The following MARCHF10 variants were observed in gnomAD, a reference collection of about 807,000 sequenced individuals.
MARCHF10 encodes membrane associated ring-CH-type finger 10, also known as probable E3 ubiquitin-protein ligase MARCHF10.
A neutral mutation model predicts 76.2 loss-of-function variants in MARCHF10; 64 were observed. The observed-to-expected ratio is 0.84, with a 90% confidence interval of 0.69 to 1.03. The LOEUF (loss-of-function observed/expected upper bound fraction) is 1.03, where lower values mean the gene tolerates loss of function less well. Among genes scored for constraint, MARCHF10 ranks in the 50% least tolerant of loss-of-function variants. The pLI, the probability that MARCHF10 is intolerant of heterozygous loss-of-function variation, is 0.00. For missense variants in MARCHF10, 875 were observed against 958.0 expected, an observed-to-expected ratio of 0.91 and a Z score of 1.14; for synonymous variants, 340 against 357.5, an observed-to-expected ratio of 0.95 and a Z score of 0.55.
At chr17:62,767,895 C>A (rs996203398) in intron 3 of MARCHF10, among the ~76,000 whole-genome samples, 2 of 152,158 alleles carry the variant, frequency 1.3e-5, no homozygotes, top group Non-Finnish European at 2.9e-5. Flanking sequence ...GCACCTACTG[C>A]CCCACTGCAA....
intron 4 of MARCHF10, among the ~76,000 whole-genome samples, chr17:62,751,818 C>T (rs1289597079): frequency 2.0e-5 from 3 of 152,050 alleles, no homozygotes; most frequent in East Asian, 1.9e-4. Flanking sequence ...GTCAGGAGTT[C>T]GATACCAGCC....
chr17:62,731,882 A>ATT (rs1228167834), intron 6 of MARCHF10, among the ~76,000 whole-genome samples: 3 of 152,224 alleles, frequency 2.0e-5, no homozygotes, highest in African/African-American at 7.2e-5. Context: ...AAGGATTAAA[A>ATT]AGCATAGAGT....
At chr17:62,701,933 G>A (rs1468379205) in intron 10 of MARCHF10, among the ~76,000 whole-genome samples, 175 bp from the exon 11 acceptor site, 1 of 152,152 alleles carries the variant, frequency 6.6e-6, no homozygotes, top group African/African-American at 2.4e-5. Context: ...CTGGGGCCGG[G>A]GAATCCACAG....
intron 3 of MARCHF10, among the ~76,000 whole-genome samples, chr17:62,775,472 T>C (rs1328165000): frequency 2.0e-5 from 3 of 150,358 alleles, no homozygotes; most frequent in Non-Finnish European, 4.4e-5. Context: ...CAGACATTTG[T>C]ATAATGCCTT....
At chr17:62,704,946 G>GTGTTT in intron 10 of MARCHF10, 132 of 837,016 alleles carry the variant, frequency 1.6e-4, no homozygotes, top group African/African-American at 1.7e-4. Context: ...TTCTCCAGTC[G>GTGTTT]TTTTTTTTTT....
In MARCHF10 at chr17:62,736,446, T is replaced by A. The variant is rs1172466823; in HGVS notation, c.1422A>T (p.Ala474=). The A allele has an allele frequency of 2.5e-6, 4 of 1,614,218 alleles. No individual in the cohort carries two copies. In the East Asian group the frequency reaches 6.7e-5, roughly 27 times the overall value. ...CTCTCAGAGCAGAATGCATGAATGATGCAGGAGGGTTATAGGATGAATTCA... is the reference window on the plus strand; with the variant it reads ...CTCTCAGAGCAGAATGCATGAATGAAGCAGGAGGGTTATAGGATGAATTCA... ...SSVNSSYNPP[A]SFMHSALRDD... Residue 474 remains alanine (A), a synonymous_variant, in exon 6 of 11, where the codon GCA becomes GCT. Coordinates refer to ENST00000311269, the MANE Select transcript of MARCHF10 (RefSeq NM_152598.4).
chr17:62,741,468 C>CCAG (rs1181858411), intron 5 of MARCHF10, among the ~76,000 whole-genome samples: 1 of 152,168 alleles, frequency 6.6e-6, no homozygotes, highest in Non-Finnish European at 1.5e-5. Flanking sequence ...ATAACTGTCA[C>CCAG]CAGCAATCCA....
intron 2 of MARCHF10, among the ~76,000 whole-genome samples, chr17:62,796,896 G>A (rs2092994703): frequency 6.6e-6 from 1 of 152,154 alleles, no homozygotes; most frequent in African/African-American, 2.4e-5. Context: ...AGGAGGCTGA[G>A]GTGGGAGGAT....
rs958146876 is a variant in MARCHF10 at position 62,775,508 on chromosome 17, G to A, written c.210+12972C>T. On this transcript the variant is annotated intron_variant, in intron 3 of 10. Coordinates refer to ENST00000311269, the MANE Select transcript of MARCHF10 (RefSeq NM_152598.4). ...AGTTTACCAACACTGTCAGCCACTC[G>A]GGGGGGGGCGTGGCTTATTAATTAC... is the stretch of plus-strand genomic sequence containing the variant. Among the ~76,000 whole-genome samples the A allele has an allele frequency of 2.8e-5, 3 of 106,104 alleles. No homozygotes were observed. The African/African-American group carries it at 4.2e-4, about 15-fold the overall frequency. The allele number at this position is 106,104 out of a possible 152,430, so 69.6% of individuals were successfully genotyped here.
At chr17:62,797,026 G>C (rs758928706) in intron 2 of MARCHF10, among the ~76,000 whole-genome samples, 7 of 152,054 alleles carry the variant, frequency 4.6e-5, no homozygotes, top group Non-Finnish European at 8.8e-5. Flanking sequence ...AAAAAAAAGA[G>C]GGAGAAAAAA....
At chr17:62,774,976 C>T (rs2092520599) in intron 3 of MARCHF10, among the ~76,000 whole-genome samples, 1 of 151,874 alleles carries the variant, frequency 6.6e-6, no homozygotes, top group Admixed American at 6.6e-5. Context: ...ATCACTTGAA[C>T]CTCGGAGGCG....
At chr17:62,705,606 A>T (rs755458629) in intron 9 of MARCHF10, 25 bp from the exon 10 acceptor site, 57 of 1,612,982 alleles carry the variant, frequency 3.5e-5, no homozygotes, top group Admixed American at 5.0e-5. Flanking sequence ...ACAATGAGAA[A>T]TGAATTGTTT....
At chr17:62,801,476 T>A (rs531118754) in intron 2 of MARCHF10, among the ~76,000 whole-genome samples, 170 bp downstream of exon 2, 9 of 151,664 alleles carry the variant, frequency 5.9e-5, no homozygotes, top group Admixed American at 2.0e-4. Context: ...TTTTTTTTTT[T>A]ACAGACGAGG....
chr17:62,765,806 G>T (rs573217227), intron 3 of MARCHF10, among the ~76,000 whole-genome samples: 1 of 152,124 alleles, frequency 6.6e-6, no homozygotes, highest in Non-Finnish European at 1.5e-5. Flanking sequence ...AAATACTAGG[G>T]ACACCTGTCT....
At chr17:62,769,304 C>T (rs962338803) in intron 3 of MARCHF10, among the ~76,000 whole-genome samples, 1 of 152,182 alleles carries the variant, frequency 6.6e-6, no homozygotes, top group African/African-American at 2.4e-5. Context: ...GATTGAATAG[C>T]CTGTCCCTAA....
At chr17:62,781,093 G>A (rs2092650616) in intron 3 of MARCHF10, 1 of 152,196 alleles carries the variant, frequency 6.6e-6, no homozygotes, top group Admixed American at 6.5e-5. Flanking sequence ...GTTATGCAGA[G>A]CCACTATTTA....
chr17:62,774,462 G>A (rs907526194), intron 3 of MARCHF10, among the ~76,000 whole-genome samples: 2 of 152,154 alleles, frequency 1.3e-5, no homozygotes, highest in African/African-American at 2.4e-5. Flanking sequence ...CACAAGCCTC[G>A]GTGGACAGTG....
At chr17:62,705,058 T>C (rs2089492625) in intron 10 of MARCHF10, 5 of 1,013,102 alleles carry the variant, frequency 4.9e-6, no homozygotes, top group Non-Finnish European at 5.9e-6. Context: ...ACCTGTTTGC[T>C]TTGTTCAACC....
chr17:62,798,430 C>T (rs2093020284), intron 2 of MARCHF10, among the ~76,000 whole-genome samples: 1 of 147,028 alleles, frequency 6.8e-6, no homozygotes, highest in African/African-American at 2.5e-5. Context: ...TCGAGACCAG[C>T]CTGGGAAACA....
Sources: gnomAD v4.1 joint callset for allele counts (sites outside exome capture counted in the v4.1 genomes callset) on GRCh38, gnomAD v4.1.1 for gene constraint, MANE v1.5 for transcripts, NCBI Gene and HGNC (gene_info 2026-07-23, HGNC 2026-07-21) for gene names.